RBMS3: variants seen among roughly 807,000 people sequenced by gnomAD.
RBMS3 encodes RNA binding motif single stranded interacting protein 3, also known as RNA-binding motif, single-stranded-interacting protein 3.
Under a neutral mutation model 66.8 loss-of-function variants are expected in RBMS3, and 27 were observed. The ratio of observed to expected loss-of-function variants is 0.40; its 90% CI spans 0.30 to 0.56. The LOEUF is 0.56. Among genes scored for constraint, RBMS3 ranks in the 20% least tolerant of loss-of-function variants. The pLI, the probability that RBMS3 is intolerant of heterozygous loss-of-function variation, is 0.40. For missense variants in RBMS3, 513 were observed against 549.5 expected, an observed-to-expected ratio of 0.93 and a Z score of 0.66; for synonymous variants, 188 against 183.0, an observed-to-expected ratio of 1.03 and a Z score of -0.22.
intron 10 of RBMS3, among the ~76,000 whole-genome samples, chr3:29,913,644 G>C (rs1008651644): frequency 2.0e-5 from 3 of 151,668 alleles, no homozygotes; most frequent in Non-Finnish European, 4.4e-5. Flanking sequence ...TATCAACTTG[G>C]GTTCTGAATA....
At position 29,677,364 on chromosome 3, in the gene RBMS3, T is replaced by C. The variant is rs567239232; in HGVS notation, c.400-62356T>C. On this transcript the variant is annotated intron_variant, in intron 4 of 14. Transcript: ENST00000383767. ...ATCGCTAACAAGCTAGATGCCTTAA[T>C]AATTTTTTCTCTGTTCTTGAAATTA... Among the ~76,000 whole-genome samples the C allele has an allele frequency of 7.2e-5, 11 of 152,352 alleles. No homozygotes were observed. In the East Asian group the frequency reaches 2.1e-3, roughly 29 times the overall value.
At chr3:29,560,126 T>A (rs892246880) in intron 3 of RBMS3, among the ~76,000 whole-genome samples, 1 of 152,160 alleles carries the variant, frequency 6.6e-6, no homozygotes, top group Non-Finnish European at 1.5e-5. Flanking sequence ...AAAATGATAA[T>A]AGGAGAATCC....
intron 1 of RBMS3, among the ~76,000 whole-genome samples, chr3:29,367,657 G>T (rs1219249838): frequency 6.6e-6 from 1 of 152,044 alleles, no homozygotes; most frequent in Non-Finnish European, 1.5e-5. Flanking sequence ...ATTGCTTTTT[G>T]TTTATTGCTG....
chr3:29,372,077 C>A (rs766668708), intron 1 of RBMS3, among the ~76,000 whole-genome samples: 1 of 152,048 alleles, frequency 6.6e-6, no homozygotes, highest in Non-Finnish European at 1.5e-5. Flanking sequence ...AGGAAGACAC[C>A]GTAGAAGTGC....
chr3:29,789,851 T>G (rs2056943563), intron 6 of RBMS3, among the ~76,000 whole-genome samples: 1 of 152,200 alleles, frequency 6.6e-6, no homozygotes. Context: ...TTTGAATGCT[T>G]GTGACCAAAG....
chr3:29,994,636 C>G (rs557112926), intron 14 of RBMS3, among the ~76,000 whole-genome samples: 4 of 152,356 alleles, frequency 2.6e-5, no homozygotes, highest in African/African-American at 9.6e-5. Context: ...AGCAGCCTAA[C>G]TGGGAGGCAC....
chr3:29,981,945 A>G (rs1014850469), intron 12 of RBMS3, among the ~76,000 whole-genome samples: 1 of 152,154 alleles, frequency 6.6e-6, no homozygotes, highest in Non-Finnish European at 1.5e-5. Flanking sequence ...TCATAAAATG[A>G]GTTAGGGAGG....
intron 4 of RBMS3, among the ~76,000 whole-genome samples, chr3:29,620,384 C>A (rs1407775898): frequency 6.6e-6 from 1 of 152,040 alleles, no homozygotes; most frequent in Non-Finnish European, 1.5e-5. Flanking sequence ...TTCACTTTAG[C>A]CCCTGATTTC....
rs183349239 is a variant in RBMS3 at position 29,508,149 on chromosome 3, A to T, written c.307+19650A>T. On this transcript the variant is annotated intron_variant, in intron 3 of 14. Transcript: ENST00000383767. ...TCTGGCTTGTTCTCTCCTCTCTAAC[A>T]CCAGAAATAGTGTACATTTGTATAA... 3.0e-3 allele frequency among the ~76,000 whole-genome samples: 451 copies of T among 152,190 alleles called. 1 individual carries two copies. The highest frequency in any genetic ancestry group is 9.9e-3 in the African/African-American group (410 of 41,516).
chr3:29,639,405 C>G (rs139652895), intron 4 of RBMS3, among the ~76,000 whole-genome samples: 1 of 151,862 alleles, frequency 6.6e-6, no homozygotes, highest in Non-Finnish European at 1.5e-5. Flanking sequence ...TTTATAAACA[C>G]GCCTAGTGAT....
chr3:29,688,913 A>G (rs1249556827), intron 4 of RBMS3, among the ~76,000 whole-genome samples: 1 of 151,844 alleles, frequency 6.6e-6, no homozygotes, highest in Non-Finnish European at 1.5e-5. Flanking sequence ...TGATGGAGAG[A>G]TTTTTTCTTA....
chr3:29,308,144 A>G (rs1369275311), intron 1 of RBMS3, among the ~76,000 whole-genome samples: 3 of 151,880 alleles, frequency 2.0e-5, no homozygotes, highest in African/African-American at 7.2e-5. Context: ...ACTTGTCAGC[A>G]GTATGTTTTG....
chr3:29,392,374 C>A (rs2039340787), intron 1 of RBMS3, among the ~76,000 whole-genome samples: 2 of 152,102 alleles, frequency 1.3e-5, no homozygotes, highest in Admixed American at 1.3e-4. Flanking sequence ...TTTTTGGTTA[C>A]TTGTTTATTC....
intron 1 of RBMS3, among the ~76,000 whole-genome samples, chr3:29,287,186 G>A (rs1259246800): frequency 2.0e-5 from 3 of 152,076 alleles, no homozygotes; most frequent in East Asian, 3.9e-4. Context: ...ATATCCTCTC[G>A]GAAAACGGAA....
intron 12 of RBMS3, among the ~76,000 whole-genome samples, chr3:29,957,645 T>C (rs901046906): frequency 6.6e-6 from 1 of 152,190 alleles, no homozygotes. Flanking sequence ...CTATTAGAAA[T>C]ATGAATGCCC....
At chr3:29,957,630 T>C (rs1365343943) in intron 12 of RBMS3, among the ~76,000 whole-genome samples, 2 of 152,292 alleles carry the variant, frequency 1.3e-5, no homozygotes, top group East Asian at 1.9e-4. Context: ...AAATGTACAA[T>C]GTGTCTATTA....
At chr3:29,955,636 A>G (rs1340311210) in intron 12 of RBMS3, among the ~76,000 whole-genome samples, 1 of 152,034 alleles carries the variant, frequency 6.6e-6, no homozygotes, top group Non-Finnish European at 1.5e-5. Context: ...TGTGTGAAGG[A>G]CACTATAATA....
intron 1 of RBMS3, among the ~76,000 whole-genome samples, chr3:29,414,844 C>A (rs1215599447): frequency 6.6e-6 from 1 of 152,150 alleles, no homozygotes; most frequent in East Asian, 1.9e-4. Flanking sequence ...GTTTAGGGCA[C>A]CGTGATGCTA....
chr3:29,361,323 A>G (rs573223211), intron 1 of RBMS3, among the ~76,000 whole-genome samples: 15 of 151,378 alleles, frequency 9.9e-5, no homozygotes, highest in Middle Eastern at 3.4e-3. Flanking sequence ...GTTTGGCTGG[A>G]TATGAAATTC....
Sources: allele counts gnomAD v4.1 joint callset (sites outside exome capture counted in the v4.1 genomes callset), GRCh38; gene constraint gnomAD v4.1.1; transcripts MANE v1.5; gene names NCBI Gene and HGNC (gene_info 2026-07-23, HGNC 2026-07-21).